SLC4A7: variants seen among roughly 807,000 people sequenced by gnomAD.
SLC4A7 encodes sodium bicarbonate cotransporter 3.
SLC4A7 carries 51 observed loss-of-function variants against 137.6 expected under a neutral mutation model. The observed-to-expected ratio is 0.37, with a 90% CI of 0.30 to 0.47. SLC4A7 has a LOEUF of 0.47. SLC4A7 is among the 20% of genes least tolerant of loss of function. SLC4A7 has a pLI of 1.00. For missense variants in SLC4A7, 1,247 were observed against 1,525.4 expected, an observed-to-expected ratio of 0.82 and a Z score of 3.04; for synonymous variants, 542 against 518.6, an observed-to-expected ratio of 1.05 and a Z score of -0.61.
intron 13 of SLC4A7, among the ~76,000 whole-genome samples, chr3:27,406,686 T>C (rs1040598443): frequency 6.6e-6 from 1 of 152,140 alleles, no homozygotes; most frequent in African/African-American, 2.4e-5. Context: ...ACAAGCACTT[T>C]GGGAAGCCGA....
At chr3:27,469,195 A>G (rs2059134601) in intron 1 of SLC4A7, among the ~76,000 whole-genome samples, 1 of 152,204 alleles carries the variant, frequency 6.6e-6, no homozygotes, top group African/African-American at 2.4e-5. Context: ...CACAACAATC[A>G]TCACCGTAGA....
intron 1 of SLC4A7, among the ~76,000 whole-genome samples, chr3:27,460,859 T>C (rs1252842943): frequency 6.6e-6 from 1 of 152,206 alleles, no homozygotes; most frequent in Non-Finnish European, 1.5e-5. Context: ...GTTTCTTTGT[T>C]TTTCCACTTC....
chr3:27,478,807 G>A (rs558973654), intron 1 of SLC4A7, among the ~76,000 whole-genome samples: 1 of 143,328 alleles, frequency 7.0e-6, no homozygotes, highest in East Asian at 2.1e-4. Flanking sequence ...GGCCAACATA[G>A]TGAAACCCTG....
chr3:27,437,024 A>C (rs1242267648), intron 4 of SLC4A7, among the ~76,000 whole-genome samples: 1 of 152,208 alleles, frequency 6.6e-6, no homozygotes, highest in Non-Finnish European at 1.5e-5. Flanking sequence ...TAATATTCCC[A>C]TTACAAAAAG....
chr3:27,381,868 C>T (rs971218833), intron 24 of SLC4A7, among the ~76,000 whole-genome samples: 9 of 152,040 alleles, frequency 5.9e-5, no homozygotes, highest in African/African-American at 2.2e-4. Context: ...GGCGGATCAC[C>T]TGAGGGCAGG....
At chr3:27,452,588 A>C in intron 1 of SLC4A7, 90 bp from the exon 2 acceptor site, 1 of 681,796 alleles carries the variant, frequency 1.5e-6, no homozygotes, top group Non-Finnish European at 2.4e-6. Flanking sequence ...CAAAATATAA[A>C]ACAGACTGCT....
At chr3:27,377,389 A>AAT (rs1237678212) in intron 25 of SLC4A7, among the ~76,000 whole-genome samples, 1 of 152,096 alleles carries the variant, frequency 6.6e-6, no homozygotes, top group Non-Finnish European at 1.5e-5. Context: ...AAATATTTGA[A>AAT]ATATATATAT....
chr3:27,413,931 G>C (rs909206379), intron 11 of SLC4A7, among the ~76,000 whole-genome samples: 1 of 152,092 alleles, frequency 6.6e-6, no homozygotes, highest in Non-Finnish European at 1.5e-5. Flanking sequence ...CTTACTTACA[G>C]ATTATTTGAC....
rs1287158528 is a variant in SLC4A7, at chr3:27,400,881, G to C, written c.2322-12C>G. The C allele has an allele frequency of 4.3e-6, 6 of 1,389,188 alleles. No individual in the cohort carries two copies. Among genetic ancestry groups the C allele is most frequent in the Admixed American group, 1.8e-5 (1 of 55,890 alleles). The allele number at this position is 1,389,188 out of a possible 1,614,324, so 86.1% of individuals were successfully genotyped here. On this transcript the variant is annotated splice_polypyrimidine_tract_variant and intron_variant, in intron 15 of 25. Transcript: ENST00000454389. ...CAGTACATACACATCTGAGAAATTA[G>C]AGTAGGATACATTTTTAAGGATCCT... is the stretch of plus-strand genomic sequence containing the variant.
At chr3:27,397,627 G>C (rs1346454821) in intron 18 of SLC4A7, 57 bp downstream of exon 18, 8 of 802,036 alleles carry the variant, frequency 1.0e-5, no homozygotes, top group Non-Finnish European at 1.7e-5. Context: ...ATAGTATCTT[G>C]CTTTAAAGTA....
chr3:27,433,205 T>C (rs992437041), intron 6 of SLC4A7: 9 of 152,194 alleles, frequency 5.9e-5, no homozygotes, highest in South Asian at 2.1e-4. Context: ...TGGGTAATAG[T>C]AGCAGCTTAC....
At chr3:27,399,912 C>T (rs572152414) in intron 16 of SLC4A7, among the ~76,000 whole-genome samples, 44 of 152,222 alleles carry the variant, frequency 2.9e-4, no homozygotes, top group African/African-American at 8.2e-4. Flanking sequence ...AATAGACACA[C>T]GTGGCTAATG....
chr3:27,431,504 G>C lies in SLC4A7; in HGVS notation c.944C>G (p.Pro315Arg). ...AGGGCTAGAAGGAGGACTGTTTTGA[G>C]GGGTGGGTACTGGGGTTGTACACCT... ...GSRCTTPVPT[P>R]QNSPPSSPSI... Residue 315 changes from proline to arginine, a missense_variant, in exon 7 of 26, where the codon CCT becomes CGT. By Grantham distance (103) the Pro-to-Arg change is moderately radical. Coordinates refer to ENST00000454389, the MANE Select transcript of SLC4A7 (RefSeq NM_001321103.2). 6.2e-7 allele frequency: 1 copy of C among 1,614,128 alleles called. No homozygotes were observed. The highest frequency in any genetic ancestry group is 1.1e-5 in the South Asian group (1 of 91,078).
At chr3:27,414,693 CACT>C (rs1334573932) in intron 11 of SLC4A7, among the ~76,000 whole-genome samples, 1 of 152,124 alleles carries the variant, frequency 6.6e-6, no homozygotes, top group Non-Finnish European at 1.5e-5. Flanking sequence ...TGTTTTCTGG[CACT>C]ACTACTTCTA....
In SLC4A7 at chr3:27,375,737, G is replaced by A. The variant is rs2149977027; in HGVS notation, c.*1027C>T. On this transcript the variant is annotated 3_prime_UTR_variant, in exon 26 of 26. Coordinates refer to ENST00000454389, the MANE Select transcript of SLC4A7 (RefSeq NM_001321103.2). ...TAAATATTTTAAAATAAAATCACAG[G>A]TAACAAGCTATTAAATGTAATCTAC... The A allele has an allele frequency of 6.6e-6, 1 of 152,160 alleles. No individual in the cohort carries two copies. The highest frequency in any genetic ancestry group is 1.9e-4 in the East Asian group (1 of 5,192). 9.4% of individuals were successfully genotyped at this position (152,160 alleles called of 1,614,324 possible).
chr3:27,395,671 C>T (rs1008523332), intron 18 of SLC4A7, among the ~76,000 whole-genome samples: 1 of 152,122 alleles, frequency 6.6e-6, no homozygotes, highest in Non-Finnish European at 1.5e-5. Flanking sequence ...ATGACTGCAC[C>T]CCACAGAGCA....
At chr3:27,436,131 C>T (rs1448106910) in intron 5 of SLC4A7, among the ~76,000 whole-genome samples, 1 of 152,120 alleles carries the variant, frequency 6.6e-6, no homozygotes, top group East Asian at 1.9e-4. Context: ...TTCCAAAAAA[C>T]AAGGAAACAA....
chr3:27,472,834 C>T lies in SLC4A7; in HGVS notation c.60+11233G>A, dbSNP rs1335563259. On this transcript the variant is annotated intron_variant, in intron 1 of 25. Transcript: ENST00000454389. ...GTGGCTCATGCCTATAATCCCAGCA[C>T]TTTGGGAGGCCGAGGCGGGCAGATC... Among the ~76,000 whole-genome samples the T allele has an allele frequency of 3.3e-5, 5 of 152,204 alleles. No individual in the cohort carries two copies. In the South Asian group the frequency reaches 8.3e-4, roughly 25 times the overall value.
At chr3:27,478,270 C>A (rs34423734) in intron 1 of SLC4A7, among the ~76,000 whole-genome samples, 27,612 of 151,874 alleles carry the variant, frequency 0.18, 2,915 homozygotes, top group Non-Finnish European at 0.25. Flanking sequence ...GTAATCCCAG[C>A]ACTTTGGGAG....
Sources: allele counts gnomAD v4.1 joint callset (sites outside exome capture counted in the v4.1 genomes callset), GRCh38; gene constraint gnomAD v4.1.1; transcripts MANE v1.5; gene names NCBI Gene and HGNC (gene_info 2026-07-23, HGNC 2026-07-21).